The following PPP3CB variants were observed in gnomAD, a reference collection of about 807,000 sequenced individuals.
The protein encoded by PPP3CB is protein phosphatase 3 catalytic subunit beta.
A neutral mutation model predicts 66.4 loss-of-function variants in PPP3CB; 8 were observed. That is an observed-to-expected ratio of 0.12 (90% CI 0.07 to 0.22). The LOEUF (loss-of-function observed/expected upper bound fraction) is 0.22. Among genes scored for constraint, PPP3CB ranks in the 10% least tolerant of loss-of-function variants. The pLI, the probability that PPP3CB is intolerant of heterozygous loss-of-function variation, is 1.00. For synonymous variants in PPP3CB, 208 were observed against 221.2 expected, an observed-to-expected ratio of 0.94 and a Z score of 0.53; for missense variants, 319 against 642.5, an observed-to-expected ratio of 0.50 and a Z score of 5.44.
intron 13 of PPP3CB, among the ~76,000 whole-genome samples, chr10:73,439,351 A>C (rs1264755008): frequency 6.6e-6 from 1 of 152,154 alleles, no homozygotes; most frequent in Non-Finnish European, 1.5e-5. Context: ...TTATCCATAA[A>C]CTATAGCCCA....
intron 1 of PPP3CB, among the ~76,000 whole-genome samples, chr10:73,489,641 A>C (rs910820291): frequency 1.4e-4 from 21 of 152,202 alleles, no homozygotes; most frequent in Admixed American, 4.6e-4. Flanking sequence ...CTAGGATTCA[A>C]ACCCAGGCAG....
chr10:73,495,716 G>A (rs1416695127), intron 1 of PPP3CB, 89 bp downstream of exon 1: 2 of 1,480,074 alleles, frequency 1.4e-6, no homozygotes, highest in Non-Finnish European at 1.8e-6. Flanking sequence ...CGCCCTTCCG[G>A]GCCCACTCCC....
intron 12 of PPP3CB, among the ~76,000 whole-genome samples, chr10:73,441,347 A>C (rs1427293306): frequency 6.6e-6 from 1 of 152,122 alleles, no homozygotes; most frequent in African/African-American, 2.4e-5. Flanking sequence ...CATGCCTATA[A>C]CCCCAGCACT....
chr10:73,467,846 C>T (rs779450944), intron 8 of PPP3CB, among the ~76,000 whole-genome samples, 168 bp from the exon 9 acceptor site: 63 of 152,172 alleles, frequency 4.1e-4, no homozygotes, highest in African/African-American at 1.5e-3. Flanking sequence ...TTAATAATAA[C>T]ATAGGTTTTG....
intron 9 of PPP3CB, chr10:73,466,856 G>A (rs1487666302): frequency 6.6e-6 from 1 of 152,110 alleles, no homozygotes; most frequent in Non-Finnish European, 1.5e-5. Flanking sequence ...TATGGAAACT[G>A]AGGCATTTTC....
At chr10:73,480,188 G>C (rs1467093070) in intron 1 of PPP3CB, among the ~76,000 whole-genome samples, 2 of 152,066 alleles carry the variant, frequency 1.3e-5, no homozygotes, top group Non-Finnish European at 2.9e-5. Flanking sequence ...AATTTAGGAG[G>C]CTTAAAATAA....
rs1471412690 is a variant in PPP3CB, at chr10:73,438,433, C to T, written c.1397-13G>A. On this transcript the variant is annotated splice_polypyrimidine_tract_variant and intron_variant, in intron 13 of 13. Transcript: ENST00000360663. ...AATCCTCGTATTGCTTAATAAAATGCAAATTTGATAAGTCAGTAATTGAAA... is the reference window on the plus strand; with the variant it reads ...AATCCTCGTATTGCTTAATAAAATGTAAATTTGATAAGTCAGTAATTGAAA... 2.5e-6 allele frequency: 4 copies of T among 1,587,012 alleles called. No individual in the cohort carries two copies. In the African/African-American group the frequency reaches 4.1e-5, roughly 16 times the overall value.
chr10:73,465,048 G>A (rs1205264578), intron 9 of PPP3CB, among the ~76,000 whole-genome samples: 2 of 152,104 alleles, frequency 1.3e-5, no homozygotes, highest in Admixed American at 6.5e-5. Context: ...ATAGAAAAGA[G>A]TTGAGATTTG....
intron 1 of PPP3CB, 34 bp downstream of exon 1, chr10:73,495,771 A>C (rs1049955970): frequency 1.3e-5 from 20 of 1,507,080 alleles, no homozygotes; most frequent in Non-Finnish European, 1.8e-5. Context: ...CTAGCTCTTC[A>C]GGCCAGGCCC....
Position 73,449,212 on chromosome 10 carries a change from T to C in PPP3CB, c.1187-2639A>G, listed in dbSNP as rs1477701445. The stretch of plus-strand genomic sequence containing the variant: ...TAGGTAACTTTATAAACTGCCTCAG[T>C]AGAAAACCTCACCCCCTCCCAACGA... On this transcript the variant is annotated intron_variant, in intron 10 of 13. Coordinates refer to ENST00000360663, the MANE Select transcript of PPP3CB (RefSeq NM_021132.4). Among the ~76,000 whole-genome samples, 9 of 152,272 alleles carry C rather than the reference T, an allele frequency of 5.9e-5. No homozygotes were observed. In the East Asian group the frequency reaches 1.4e-3, roughly 23 times the overall value.
At chr10:73,474,433 A>T (rs1342100101) in intron 4 of PPP3CB, among the ~76,000 whole-genome samples, 1 of 150,892 alleles carries the variant, frequency 6.6e-6, no homozygotes, top group South Asian at 2.1e-4. Flanking sequence ...AAATGAAAAA[A>T]AATTTTTTTT....
intron 12 of PPP3CB, among the ~76,000 whole-genome samples, chr10:73,443,305 A>AAAGAAAGT (rs1194918329): frequency 1.3e-5 from 2 of 148,174 alleles, no homozygotes; most frequent in Non-Finnish European, 3.0e-5. Flanking sequence ...AGAAAGAAAG[A>AAAGAAAGT]AAGAAAGAAA....
intron 4 of PPP3CB, 96 bp downstream of exon 4, chr10:73,474,823 T>C (rs188872294): frequency 4.0e-6 from 6 of 1,486,364 alleles, no homozygotes; most frequent in Admixed American, 2.3e-5. Context: ...AATCTGTCCT[T>C]ACATGTTGCA....
chr10:73,455,171 C>T (rs2056406052), intron 9 of PPP3CB, among the ~76,000 whole-genome samples: 1 of 152,180 alleles, frequency 6.6e-6, no homozygotes, highest in African/African-American at 2.4e-5. Context: ...GCGTAGGCCA[C>T]TGCGCCTGGC....
In PPP3CB at chr10:73,470,669, T is replaced by G. The variant is rs372835293; in HGVS notation, c.982+18A>C. ...ATACTAAGTTGTTTAACAATTTTTT[T>G]TATCAACAATATCTTACCTTTATTA... On this transcript the variant is annotated intron_variant, in intron 8 of 13. Coordinates refer to ENST00000360663, the MANE Select transcript of PPP3CB (RefSeq NM_021132.4). The G allele has an allele frequency of 9.1e-6, 13 of 1,434,006 alleles. No individual in the cohort carries two copies. In the East Asian group the frequency reaches 1.6e-4, roughly 18 times the overall value. 88.8% of individuals were successfully genotyped at this position (1,434,006 alleles called of 1,614,324 possible).
chr10:73,475,117 C>CAA (rs2056766897), intron 3 of PPP3CB, 87 bp from the exon 4 acceptor site: 2 of 1,445,544 alleles, frequency 1.4e-6, no homozygotes, highest in Non-Finnish European at 1.8e-6. Flanking sequence ...CTCTACTACC[C>CAA]TTACCATCCT....
Position 73,436,688 on chromosome 10 carries a change from A to C in PPP3CB, c.*1554T>G, listed in dbSNP as rs1192591132. On this transcript the variant is annotated 3_prime_UTR_variant, in exon 14 of 14. Coordinates refer to ENST00000360663, the MANE Select transcript of PPP3CB (RefSeq NM_021132.4). ...AAAGAATTTAATTAATCAAATTACCATGAACTATCCACGAGATAATCTCCG... is the reference window on the plus strand; with the variant it reads ...AAAGAATTTAATTAATCAAATTACCCTGAACTATCCACGAGATAATCTCCG... 6.6e-6 allele frequency: 1 copy of C among 152,218 alleles called. No homozygotes were observed. Among genetic ancestry groups the C allele is most frequent in the Non-Finnish European group, 1.5e-5 (1 of 68,050 alleles). The allele number at this position is 152,218 out of a possible 1,614,324, so 9.4% of individuals were successfully genotyped here.
chr10:73,491,268 A>T (rs2133048729), intron 1 of PPP3CB, among the ~76,000 whole-genome samples: 1 of 151,688 alleles, frequency 6.6e-6, no homozygotes, highest in East Asian at 2.0e-4. Flanking sequence ...TGATCTCGTG[A>T]TCCACCTGCC....
chr10:73,441,450 A>G (rs1370343839), intron 12 of PPP3CB, among the ~76,000 whole-genome samples: 1 of 152,200 alleles, frequency 6.6e-6, no homozygotes, highest in Non-Finnish European at 1.5e-5. Context: ...AAAAAGTTTA[A>G]AAAATTAGCC....
Sources: gnomAD v4.1 joint callset for allele counts (sites outside exome capture counted in the v4.1 genomes callset) on GRCh38, gnomAD v4.1.1 for gene constraint, MANE v1.5 for transcripts, NCBI Gene and HGNC (gene_info 2026-07-23, HGNC 2026-07-21) for gene names.